Variants in NCK2 observed in about 807,000 individuals in gnomAD.
The protein encoded by NCK2 is NCK adaptor protein 2, also known as cytoplasmic protein NCK2.
In NCK2, 16 loss-of-function variants were observed where a neutral mutation model predicts 33.9. That is an observed-to-expected ratio of 0.47 (90% CI 0.32 to 0.72). The LOEUF is 0.72. NCK2 is among the 30% of genes least tolerant of loss of function. NCK2 has a pLI of 0.03. For missense variants in NCK2, 418 were observed against 537.3 expected, an observed-to-expected ratio of 0.78 and a Z score of 2.19; for synonymous variants, 273 against 239.9, an observed-to-expected ratio of 1.14 and a Z score of -1.27.
chr2:105,789,916 C>T (rs1427591566), intron 1 of NCK2, among the ~76,000 whole-genome samples: 3 of 152,318 alleles, frequency 2.0e-5, no homozygotes, highest in South Asian at 2.1e-4. Context: ...TATGAGTGGT[C>T]GCCAACTAAA....
rs139321999 is a variant in NCK2 at position 105,784,230 on chromosome 2, A to G, written c.-200-32200A>G. On this transcript the variant is annotated intron_variant, in intron 1 of 4. Transcript: ENST00000233154. Reference sequence around the variant, plus strand: ...GTAATCCGCCCGCCTCAGCCTCCCAAAATGCTGGGACTACAGGCATGAGAC... The same window carrying G: ...GTAATCCGCCCGCCTCAGCCTCCCAGAATGCTGGGACTACAGGCATGAGAC... Among the ~76,000 whole-genome samples the G allele has an allele frequency of 5.7e-3, 873 of 152,262 alleles. 14 individuals carry two copies. Among genetic ancestry groups the G allele is most frequent in the African/African-American group, 0.02 (820 of 41,554 alleles).
intron 1 of NCK2, among the ~76,000 whole-genome samples, chr2:105,777,252 G>T (rs79342548): frequency 6.6e-6 from 1 of 151,898 alleles, no homozygotes; most frequent in Non-Finnish European, 1.5e-5. Flanking sequence ...GGGGTGTTGC[G>T]GGGGGGCAAC....
chr2:105,820,456 G>A (rs1375366644), intron 2 of NCK2, among the ~76,000 whole-genome samples: 2 of 152,158 alleles, frequency 1.3e-5, no homozygotes, highest in Non-Finnish European at 2.9e-5. Context: ...GGAGGATGGC[G>A]GTGTCTGAGG....
chr2:105,781,788 A>G (rs1028528786), intron 1 of NCK2, among the ~76,000 whole-genome samples: 1 of 152,178 alleles, frequency 6.6e-6, no homozygotes, highest in African/African-American at 2.4e-5. Flanking sequence ...AAATTTGTAG[A>G]CATGTCTGTT....
At chr2:105,751,142 T>C (rs1047927467) in intron 1 of NCK2, among the ~76,000 whole-genome samples, 6 of 152,222 alleles carry the variant, frequency 3.9e-5, no homozygotes, top group Admixed American at 2.6e-4. Context: ...ATCCAAGTTC[T>C]TAGTGGTCAT....
intron 1 of NCK2, among the ~76,000 whole-genome samples, chr2:105,800,580 C>A (rs1008722599): frequency 2.6e-5 from 4 of 152,124 alleles, no homozygotes; most frequent in South Asian, 2.1e-4. Flanking sequence ...GGAAACCCAG[C>A]TGACATGGGG....
chr2:105,785,263 C>T (rs1186823024), intron 1 of NCK2, among the ~76,000 whole-genome samples: 1 of 152,198 alleles, frequency 6.6e-6, no homozygotes, highest in African/African-American at 2.4e-5. Flanking sequence ...CAGGCGTGAG[C>T]GGCAGTTGGT....
intron 1 of NCK2, among the ~76,000 whole-genome samples, chr2:105,756,134 A>G (rs1210901759): frequency 6.6e-6 from 1 of 152,198 alleles, no homozygotes; most frequent in East Asian, 1.9e-4. Context: ...GGATCAGCCT[A>G]GAGATGAAGA....
At chr2:105,858,401 C>T (rs1677377020) in intron 3 of NCK2, among the ~76,000 whole-genome samples, 1 of 152,166 alleles carries the variant, frequency 6.6e-6, no homozygotes, top group Non-Finnish European at 1.5e-5. Flanking sequence ...CGGGCATGCA[C>T]TACCACACCC....
intron 1 of NCK2, among the ~76,000 whole-genome samples, chr2:105,758,354 G>A (rs918016625): frequency 6.7e-6 from 1 of 150,128 alleles, no homozygotes; most frequent in African/African-American, 2.4e-5. Context: ...CATTTGAACT[G>A]TGTTTGGAAA....
At chr2:105,830,717 T>TGTGTGTGTGTG (rs1352679713) in intron 2 of NCK2, among the ~76,000 whole-genome samples, 2,123 of 97,690 alleles carry the variant, frequency 0.022, 45 homozygotes, top group Non-Finnish European at 0.028. Context: ...GTGTGTGTGT[T>TGTGTGTGTGTG]TGGTCTGATA....
At chr2:105,805,602 T>G (rs1402571338) in intron 1 of NCK2, among the ~76,000 whole-genome samples, 1 of 152,160 alleles carries the variant, frequency 6.6e-6, no homozygotes, top group Non-Finnish European at 1.5e-5. Context: ...CCCCCCATTT[T>G]CCCTACCTTC....
At chr2:105,860,347 G>C (rs1677468728) in intron 3 of NCK2, among the ~76,000 whole-genome samples, 1 of 152,152 alleles carries the variant, frequency 6.6e-6, no homozygotes, top group Non-Finnish European at 1.5e-5. Context: ...AGAACTTTTA[G>C]AGTTCCTGCA....
chr2:105,750,277 C>T (rs574636986), intron 1 of NCK2, among the ~76,000 whole-genome samples: 1 of 152,142 alleles, frequency 6.6e-6, no homozygotes, highest in African/African-American at 2.4e-5. Context: ...CTTATAAGAA[C>T]ATCTGTCCTG....
At chr2:105,871,709 G>A (rs1678018559) in intron 3 of NCK2, among the ~76,000 whole-genome samples, 1 of 152,052 alleles carries the variant, frequency 6.6e-6, no homozygotes, top group Non-Finnish European at 1.5e-5. Context: ...TGGCCAGGCT[G>A]GTCTTGAACT....
At chr2:105,754,635 G>T (rs1199096922) in intron 1 of NCK2, among the ~76,000 whole-genome samples, 1 of 151,368 alleles carries the variant, frequency 6.6e-6, no homozygotes, top group Non-Finnish European at 1.5e-5. Context: ...GTGGGAGGTT[G>T]GGGGGAGCTG....
At chr2:105,826,558 A>G (rs1675951631) in intron 2 of NCK2, among the ~76,000 whole-genome samples, 1 of 152,214 alleles carries the variant, frequency 6.6e-6, no homozygotes, top group Non-Finnish European at 1.5e-5. Context: ...TTTTAATGCA[A>G]AAATGTAACT....
chr2:105,744,704 A>G (rs1689198878), upstream of NCK2, among the ~76,000 whole-genome samples: 1 of 151,168 alleles, frequency 6.6e-6, no homozygotes, highest in Non-Finnish European at 1.5e-5. Context: ...CCGGGCGCGG[A>G]GCCTGGCGAC....
At chr2:105,801,996 T>C (rs1483109156) in intron 1 of NCK2, among the ~76,000 whole-genome samples, 1 of 152,200 alleles carries the variant, frequency 6.6e-6, no homozygotes, top group East Asian at 1.9e-4. Flanking sequence ...AGCCATGCCC[T>C]GTCACCTGCT....
Sources: gnomAD v4.1 joint callset for allele counts (sites outside exome capture counted in the v4.1 genomes callset) on GRCh38, gnomAD v4.1.1 for gene constraint, MANE v1.5 for transcripts, NCBI Gene and HGNC (gene_info 2026-07-23, HGNC 2026-07-21) for gene names.